The following LRP1B variants were observed in gnomAD, a reference collection of about 807,000 sequenced individuals.
The protein encoded by LRP1B is low-density lipoprotein receptor-related protein 1B.
LRP1B carries 217 observed loss-of-function variants against 556.6 expected under a neutral mutation model. The observed-to-expected ratio is 0.39, with a 90% CI of 0.35 to 0.44. LRP1B has a LOEUF of 0.44. LRP1B is among the 20% of genes least tolerant of loss of function. LRP1B has a pLI of 1.00. For missense variants in LRP1B, 5,053 were observed against 5,620.8 expected (o/e 0.90, Z 3.23); for synonymous variants, 2,047 against 1,865.8 (o/e 1.10, Z -2.50).
intron 2 of LRP1B, among the ~76,000 whole-genome samples, chr2:141,781,735 C>G (rs774683651): frequency 1.3e-5 from 2 of 152,120 alleles, no homozygotes; most frequent in South Asian, 4.1e-4. Flanking sequence ...TGGAGTTACA[C>G]AGACATAGAT....
intron 3 of LRP1B, among the ~76,000 whole-genome samples, chr2:141,347,723 T>C (rs969703726): frequency 1.3e-5 from 2 of 152,066 alleles, no homozygotes; most frequent in African/African-American, 2.4e-5. Flanking sequence ...CTACAGTGTA[T>C]TTCTGATGAA....
At chr2:141,166,056 C>T (rs776969441) in intron 7 of LRP1B, among the ~76,000 whole-genome samples, 3 of 151,930 alleles carry the variant, frequency 2.0e-5, no homozygotes, top group South Asian at 4.1e-4. Flanking sequence ...CACTAATCTC[C>T]CCATTTCCAT....
intron 2 of LRP1B, among the ~76,000 whole-genome samples, chr2:141,747,142 A>G (rs1336741885): frequency 6.6e-6 from 1 of 152,168 alleles, no homozygotes; most frequent in Non-Finnish European, 1.5e-5. Flanking sequence ...ACTGGAGAGA[A>G]TATTCTTTTA....
At chr2:141,077,737 GC>G (rs1418238933) in intron 7 of LRP1B, among the ~76,000 whole-genome samples, 1 of 152,130 alleles carries the variant, frequency 6.6e-6, no homozygotes, top group Non-Finnish European at 1.5e-5. Flanking sequence ...CGGATTGCCT[GC>G]CCTACAGATT....
At chr2:141,310,451 T>C (rs1457459599) in intron 3 of LRP1B, among the ~76,000 whole-genome samples, 2 of 152,194 alleles carry the variant, frequency 1.3e-5, no homozygotes, top group African/African-American at 4.8e-5. Context: ...ACATCTAACA[T>C]AGTACCTAGC....
intron 43 of LRP1B, among the ~76,000 whole-genome samples, chr2:140,543,677 A>AAAAT (rs1385099650): frequency 2.0e-5 from 3 of 151,938 alleles, no homozygotes; most frequent in African/African-American, 4.8e-5. Flanking sequence ...TAATAAGGCA[A>AAAAT]AAATAAATAA....
intron 3 of LRP1B, among the ~76,000 whole-genome samples, chr2:141,442,665 T>C (rs1681027436): frequency 6.6e-6 from 1 of 152,036 alleles, no homozygotes; most frequent in Non-Finnish European, 1.5e-5. Context: ...TACTTATGAG[T>C]GAGAACACGC....
intron 41 of LRP1B, among the ~76,000 whole-genome samples, chr2:140,669,040 T>C (rs532544264): frequency 9.9e-5 from 15 of 152,282 alleles, no homozygotes; most frequent in African/African-American, 3.6e-4. Context: ...AGGCACAGGG[T>C]TTCTAAGAGT....
At chr2:140,465,493 T>A (rs78512227) in intron 60 of LRP1B, among the ~76,000 whole-genome samples, 2,346 of 152,268 alleles carry the variant, frequency 0.015, 60 homozygotes, top group African/African-American at 0.052. Flanking sequence ...GAAGCCCTAT[T>A]CTATGAATAA....
At chr2:140,478,848 C>T (rs1229730360) in intron 59 of LRP1B, among the ~76,000 whole-genome samples, 1 of 151,926 alleles carries the variant, frequency 6.6e-6, no homozygotes, top group African/African-American at 2.4e-5. Flanking sequence ...AAGTATGTAG[C>T]AAGTGTTCAG....
At position 140,923,093 on chromosome 2, in the gene LRP1B, C is replaced by A. The variant is rs2105258739; in HGVS notation, c.3191G>T (p.Gly1064Val). 6.2e-7 allele frequency: 1 copy of A among 1,612,816 alleles called. No homozygotes were observed. The highest frequency in any genetic ancestry group is 1.7e-4 in the Middle Eastern group (1 of 6,054). ...GCGCCACAAATCAGGAACGCAATTA[C>A]CATCAGGGTGGCACTGAAATTCATT... Reference protein sequence around the residue: ...NGNEFQCHPDGNCVPDLWRCD... With the variant: ...NGNEFQCHPDVNCVPDLWRCD... Residue 1064 changes from glycine to valine, a missense_variant, in exon 21 of 91, where the codon GGT (glycine) becomes GTT (valine). Around this residue, in one of 5 missense-constraint regions of LRP1B, gnomAD observed 3,619 missense variants for 3,931.9 expected, o/e 0.92. Transcript: ENST00000389484.
intron 11 of LRP1B, 79 bp from the exon 12 acceptor site, chr2:141,020,181 A>G: frequency 1.1e-6 from 1 of 905,058 alleles, no homozygotes; most frequent in South Asian, 3.3e-5. Context: ...ATAGCTACCT[A>G]ATAAAAACTT....
At chr2:141,757,954 C>A (rs931151224) in intron 2 of LRP1B, among the ~76,000 whole-genome samples, 1 of 152,090 alleles carries the variant, frequency 6.6e-6, no homozygotes, top group Non-Finnish European at 1.5e-5. Context: ...ATGCAAAAAA[C>A]TTAATAGGAA....
At chr2:140,520,900 T>C (rs1113167) in intron 49 of LRP1B, among the ~76,000 whole-genome samples, 108,338 of 149,628 alleles carry the variant, frequency 0.72, 39,683 homozygotes, top group Middle Eastern at 0.87. Context: ...CACTGCAGAA[T>C]TTCAAAATAC....
chr2:140,518,455 G>A (rs1206347227), intron 49 of LRP1B, among the ~76,000 whole-genome samples: 1 of 152,158 alleles, frequency 6.6e-6, no homozygotes, highest in African/African-American at 2.4e-5. Context: ...ACTAGAAAGA[G>A]ATGGAGATCA....
At chr2:140,569,994 A>G (rs973509906) in intron 43 of LRP1B, among the ~76,000 whole-genome samples, 2 of 151,878 alleles carry the variant, frequency 1.3e-5, no homozygotes, top group South Asian at 2.1e-4. Flanking sequence ...AAACGAAAAT[A>G]GAAACAGAAC....
At chr2:141,314,014 C>T (rs1221418811) in intron 3 of LRP1B, among the ~76,000 whole-genome samples, 1 of 151,924 alleles carries the variant, frequency 6.6e-6, no homozygotes, top group African/African-American at 2.4e-5. Flanking sequence ...AAAATTTTTA[C>T]TTCTTTTTTG....
chr2:140,564,634 T>C (rs574011542), intron 43 of LRP1B, among the ~76,000 whole-genome samples: 4 of 152,240 alleles, frequency 2.6e-5, no homozygotes, highest in Non-Finnish European at 4.4e-5. Flanking sequence ...TGATTAACCT[T>C]GACAGCATAA....
chr2:142,082,098 T>C (rs1705740074), intron 1 of LRP1B, among the ~76,000 whole-genome samples: 1 of 152,202 alleles, frequency 6.6e-6, no homozygotes. Context: ...ATATTATAAT[T>C]TGGAAGTATA....
Sources: gnomAD v4.1 joint callset for allele counts (sites outside exome capture counted in the v4.1 genomes callset) on GRCh38, gnomAD v4.1.1 for gene constraint, gnomAD v4.1.1 regional missense constraint, MANE v1.5 for transcripts, NCBI Gene and HGNC (gene_info 2026-07-23, HGNC 2026-07-21) for gene names.